The following DCC variants were observed in gnomAD, a reference collection of about 807,000 sequenced individuals.
DCC encodes the protein DCC netrin 1 receptor, also known as netrin receptor DCC.
DCC carries 58 observed loss-of-function variants against 172.5 expected under a neutral mutation model. The observed-to-expected ratio is 0.34, with a 90% confidence interval of 0.27 to 0.42. DCC has a LOEUF of 0.42. Among genes scored for constraint, DCC ranks in the 10% least tolerant of loss-of-function variants. DCC has a pLI of 1.00. For synonymous variants in DCC, 709 were observed against 644.5 expected (o/e 1.10, Z -1.52); for missense variants, 1,740 against 1,791.0 (o/e 0.97, Z 0.51).
At chr18:52,641,726 G>A (rs139339919) in intron 1 of DCC, among the ~76,000 whole-genome samples, 3 of 152,100 alleles carry the variant, frequency 2.0e-5, no homozygotes, top group Admixed American at 1.3e-4. Context: ...GTAGATGGTG[G>A]TGTGGATGTG....
chr18:53,402,360 A>G (rs994785218), intron 18 of DCC, among the ~76,000 whole-genome samples: 3 of 151,300 alleles, frequency 2.0e-5, no homozygotes, highest in Admixed American at 6.6e-5. Flanking sequence ...ACTGCACTCC[A>G]GCCTAGGTAA....
chr18:52,819,900 T>C (rs1212673852), intron 2 of DCC, among the ~76,000 whole-genome samples: 7 of 152,022 alleles, frequency 4.6e-5, no homozygotes, highest in African/African-American at 1.7e-4. Flanking sequence ...TTTTTTATTT[T>C]TAGTAGAGAT....
chr18:52,461,602 A>G (rs1988632643), intron 1 of DCC, among the ~76,000 whole-genome samples: 1 of 152,202 alleles, frequency 6.6e-6, no homozygotes, highest in Non-Finnish European at 1.5e-5. Flanking sequence ...TGATGTTATG[A>G]CAGCTACAAC....
intron 18 of DCC, among the ~76,000 whole-genome samples, chr18:53,399,247 A>G (rs1431573112): frequency 6.6e-6 from 1 of 152,144 alleles, no homozygotes; most frequent in African/African-American, 2.4e-5. Flanking sequence ...AGGTGCTACC[A>G]TAGTAATTAT....
intron 1 of DCC, among the ~76,000 whole-genome samples, chr18:52,490,001 A>G (rs1199718522): frequency 6.6e-6 from 1 of 152,142 alleles, no homozygotes; most frequent in Non-Finnish European, 1.5e-5. Flanking sequence ...GATGCATACA[A>G]TTAGTGTAGA....
At chr18:52,862,655 G>A (rs577862476) in intron 2 of DCC, among the ~76,000 whole-genome samples, 74 of 151,976 alleles carry the variant, frequency 4.9e-4, no homozygotes, top group Non-Finnish European at 5.1e-4. Flanking sequence ...TTGAGATTGC[G>A]CCACTGCACT....
At chr18:53,371,736 A>G (rs991952517) in intron 15 of DCC, among the ~76,000 whole-genome samples, 1 of 152,032 alleles carries the variant, frequency 6.6e-6, no homozygotes, top group Admixed American at 6.6e-5. Context: ...AAAATATTAT[A>G]TCAACTATTT....
intron 21 of DCC, among the ~76,000 whole-genome samples, chr18:53,426,815 G>A (rs543331681): frequency 1.3e-4 from 20 of 152,206 alleles, no homozygotes; most frequent in African/African-American, 4.8e-4. Flanking sequence ...AGCACGGATG[G>A]AGACATAAAT....
chr18:53,170,823 C>T (rs146702980), intron 8 of DCC, among the ~76,000 whole-genome samples: 148 of 152,222 alleles, frequency 9.7e-4, no homozygotes, highest in African/African-American at 3.4e-3. Flanking sequence ...CCTGACTTAC[C>T]TCAGTCCTGA....
chr18:53,042,773 C>A (rs2042187440), intron 5 of DCC, among the ~76,000 whole-genome samples: 1 of 151,930 alleles, frequency 6.6e-6, no homozygotes, highest in African/African-American at 2.4e-5. Context: ...TATCTCATGC[C>A]AGTTAGAATG....
chr18:52,761,764 C>A (rs371040024), intron 2 of DCC, among the ~76,000 whole-genome samples: 2 of 151,798 alleles, frequency 1.3e-5, no homozygotes, highest in East Asian at 3.9e-4. Context: ...CACTGAAAAA[C>A]CTTGTTTGAA....
At chr18:53,013,017 A>G (rs12607155) in intron 5 of DCC, among the ~76,000 whole-genome samples, 19,910 of 152,202 alleles carry the variant, frequency 0.13, 1,548 homozygotes, top group East Asian at 0.31. Flanking sequence ...CAAAACCACA[A>G]TGAGATACCA....
chr18:53,527,674 A>T (rs1170688829), intron 28 of DCC, among the ~76,000 whole-genome samples: 1 of 151,878 alleles, frequency 6.6e-6, no homozygotes, highest in Non-Finnish European at 1.5e-5. Flanking sequence ...ATCAATAGAG[A>T]AGGGGAAAAA....
At chr18:53,021,401 AC>A (rs1409056279) in intron 5 of DCC, among the ~76,000 whole-genome samples, 1 of 152,148 alleles carries the variant, frequency 6.6e-6, no homozygotes, top group Non-Finnish European at 1.5e-5. Context: ...TCTGTTAATG[AC>A]TATTATTATA....
chr18:52,470,050 A>G (rs1443940831), intron 1 of DCC, among the ~76,000 whole-genome samples: 1 of 152,240 alleles, frequency 6.6e-6, no homozygotes, highest in Non-Finnish European at 1.5e-5. Context: ...ATTATAGGAC[A>G]TTGCCTCTGG....
rs930050167 is a variant in DCC at position 52,790,737 on chromosome 18, T to A, written c.412+38363T>A. Among the ~76,000 whole-genome samples, 17 of 152,298 alleles carry A rather than the reference T, an allele frequency of 1.1e-4. No individual in the cohort carries two copies. In the East Asian group the frequency reaches 3.3e-3, roughly 29 times the overall value. On this transcript the variant is annotated intron_variant, in intron 2 of 28. Coordinates refer to ENST00000442544, the MANE Select transcript of DCC (RefSeq NM_005215.4). Reference sequence around the variant, plus strand: ...TTTTCTCTTTTCCCTTTTTGCCTGTTATAGGAGACATATTGCTCATCTCCA... The same window carrying A: ...TTTTCTCTTTTCCCTTTTTGCCTGTAATAGGAGACATATTGCTCATCTCCA...
At chr18:52,751,945 T>C in intron 1 of DCC, 109 bp from the exon 2 acceptor site, 1 of 938,340 alleles carries the variant, frequency 1.1e-6, no homozygotes, top group Non-Finnish European at 1.7e-6. Flanking sequence ...TTGGACATTG[T>C]TCAAAGCCCT....
At chr18:53,197,144 C>T (rs1017124675) in intron 9 of DCC, among the ~76,000 whole-genome samples, 13 of 152,008 alleles carry the variant, frequency 8.6e-5, no homozygotes, top group Non-Finnish European at 1.3e-4. Flanking sequence ...ATTTGAAACA[C>T]GTTCACTAAG....
chr18:53,494,551 T>A (rs527331422), intron 26 of DCC, among the ~76,000 whole-genome samples: 96 of 152,258 alleles, frequency 6.3e-4, no homozygotes, highest in Non-Finnish European at 1.3e-3. Context: ...CATTGATCCC[T>A]TTAACCATTA....
Sources: gnomAD v4.1 joint callset for allele counts (sites outside exome capture counted in the v4.1 genomes callset) on GRCh38, gnomAD v4.1.1 for gene constraint, MANE v1.5 for transcripts, NCBI Gene and HGNC (gene_info 2026-07-23, HGNC 2026-07-21) for gene names.